Variants in SNX2 observed in about 807,000 individuals in gnomAD.
SNX2 encodes sorting nexin 2.
SNX2 carries 25 observed loss-of-function variants against 69.9 expected under a neutral mutation model. That is an observed-to-expected ratio of 0.36 (90% CI 0.26 to 0.50). The LOEUF (loss-of-function observed/expected upper bound fraction) is 0.50, where lower values mean the gene tolerates loss of function less well. Ranked by LOEUF, SNX2 falls within the 20% of genes least tolerant of loss-of-function variation. The pLI is 0.97. For missense variants in SNX2, 551 were observed against 613.3 expected, an observed-to-expected ratio of 0.90 and a Z score of 1.07; for synonymous variants, 229 against 200.4, an observed-to-expected ratio of 1.14 and a Z score of -1.20.
intron 1 of SNX2, among the ~76,000 whole-genome samples, chr5:122,779,095 G>A (rs987390605): frequency 9.9e-5 from 15 of 151,768 alleles, no homozygotes; most frequent in African/African-American, 2.9e-4. Flanking sequence ...TAGATAGTAC[G>A]TTTTAAAAAA....
intron 7 of SNX2, 30 bp downstream of exon 7, chr5:122,808,385 C>G (rs1243731020): frequency 1.4e-6 from 2 of 1,426,002 alleles, no homozygotes; most frequent in African/African-American, 1.4e-5. Flanking sequence ...TTTTATTACT[C>G]TCATGTTTGT....
In SNX2 at chr5:122,831,488, T is replaced by TA. The variant is rs367962988; in HGVS notation, c.*1848dup. Among the ~76,000 whole-genome samples, 64 of 151,948 alleles carry TA rather than the reference T, an allele frequency of 4.2e-4. 1 individual carries two copies. The highest frequency in any genetic ancestry group is 7.8e-4 in the Non-Finnish European group (53 of 67,942). On this transcript the variant is annotated 3_prime_UTR_variant, in exon 15 of 15. Coordinates refer to ENST00000379516, the MANE Select transcript of SNX2 (RefSeq NM_003100.4). Reference sequence around the variant, plus strand: ...GGACAACATAGTGAGACCCTGTCTCTAAAAAAAATGAAGACTTGATGAGTT... The same window carrying TA: ...GGACAACATAGTGAGACCCTGTCTCTAAAAAAAAATGAAGACTTGATGAGTT...
chr5:122,818,183 C>T (rs888672238), intron 10 of SNX2, among the ~76,000 whole-genome samples: 2 of 152,090 alleles, frequency 1.3e-5, no homozygotes, highest in East Asian at 1.9e-4. Flanking sequence ...GCAGTTTCCA[C>T]GCAGTGTAAT....
chr5:122,797,459 A>T (rs1051490222), intron 2 of SNX2, among the ~76,000 whole-genome samples: 24 of 146,192 alleles, frequency 1.6e-4, no homozygotes, highest in Middle Eastern at 3.5e-3. Context: ...GTGACTGAAG[A>T]CCTAATCTGA....
At chr5:122,804,365 CTTTT>C (rs1284102957) in intron 6 of SNX2, among the ~76,000 whole-genome samples, 3 of 135,752 alleles carry the variant, frequency 2.2e-5, no homozygotes, top group Non-Finnish European at 1.6e-5. Flanking sequence ...AACATTTCTA[CTTTT>C]TTTTTTTTTT....
chr5:122,783,132 A>T (rs1753013463), intron 1 of SNX2, among the ~76,000 whole-genome samples: 1 of 150,038 alleles, frequency 6.7e-6, no homozygotes, highest in African/African-American at 2.5e-5. Context: ...TTTTTAGCAG[A>T]GACAAGGTTT....
chr5:122,829,775 TAC>T lies in SNX2; in HGVS notation c.*162_*163del, dbSNP rs3990570. The T allele has an allele frequency of 0.23, 118,903 of 519,500 alleles. 6,752 individuals are homozygous for T. The highest frequency in any genetic ancestry group is 0.28 in the Admixed American group (8,827 of 31,830). The allele number at this position is 519,500 out of a possible 1,614,324, so 32.2% of individuals were successfully genotyped here. A position where few individuals can be genotyped will look rare whatever the true frequency, so the allele number is the denominator to read the frequency against. On this transcript the variant is annotated 3_prime_UTR_variant, in exon 15 of 15. Coordinates refer to ENST00000379516, the MANE Select transcript of SNX2 (RefSeq NM_003100.4). ...TTTATGAATTACATGTGGTTTTATA[TAC>T]ACACACACACACACACACACACACA...
chr5:122,824,965 C>T (rs945599179), intron 11 of SNX2, among the ~76,000 whole-genome samples: 1 of 152,076 alleles, frequency 6.6e-6, no homozygotes, highest in Non-Finnish European at 1.5e-5. Flanking sequence ...GGGATCATTA[C>T]AGCTTGGAGA....
intron 1 of SNX2, among the ~76,000 whole-genome samples, chr5:122,777,924 G>C (rs1752889893): frequency 6.6e-6 from 1 of 152,182 alleles, no homozygotes; most frequent in Non-Finnish European, 1.5e-5. Flanking sequence ...TAGAACACTA[G>C]AATTTATTCC....
In SNX2 at chr5:122,826,092, G is replaced by T; in HGVS notation, c.1255G>T (p.Asp419Tyr). 6.2e-7 allele frequency: 1 copy of T among 1,613,258 alleles called. No homozygotes were observed. The highest frequency in any genetic ancestry group is 8.5e-7 in the Non-Finnish European group (1 of 1,179,428). Residue 419 changes from aspartate to tyrosine, a missense_variant, in exon 12 of 15, where the codon GAT becomes TAT. Around this residue, in one of 2 missense-constraint regions of SNX2, gnomAD observed 360 missense variants for 450.4 expected, o/e 0.80. Coordinates refer to ENST00000379516, the MANE Select transcript of SNX2 (RefSeq NM_003100.4). ...AATGAAGTGCTGGCAGAAATGGGAA[G>T]ATGCTCAAATTACTTTGCTCAAAAA... ...HRMKCWQKWE[D>Y]AQITLLKKRE... is the part of the protein sequence containing the mutation.
At chr5:122,780,537 A>G (rs4836244) in intron 1 of SNX2, among the ~76,000 whole-genome samples, 92,443 of 150,350 alleles carry the variant, frequency 0.61, 28,813 homozygotes, top group African/African-American at 0.7. Context: ...ATAACAGGTA[A>G]TAAAAGTATA....
chr5:122,805,301 A>C (rs1203331722), intron 6 of SNX2, among the ~76,000 whole-genome samples: 3 of 151,768 alleles, frequency 2.0e-5, no homozygotes, highest in Non-Finnish European at 4.4e-5. Context: ...AAAAAAAAAA[A>C]AAAAAAGAAT....
chr5:122,787,333 A>G (rs1045029848), intron 1 of SNX2, among the ~76,000 whole-genome samples: 1 of 152,158 alleles, frequency 6.6e-6, no homozygotes. Flanking sequence ...CAGCCTAGCC[A>G]ACATGGTGAA....
At chr5:122,782,332 G>A (rs1159327711) in intron 1 of SNX2, among the ~76,000 whole-genome samples, 4 of 149,452 alleles carry the variant, frequency 2.7e-5, no homozygotes, top group South Asian at 2.1e-4. Flanking sequence ...TCCACCTCCC[G>A]GGTTCAAAAG....
chr5:122,801,370 C>A (rs1478915622), intron 3 of SNX2, among the ~76,000 whole-genome samples: 1 of 151,962 alleles, frequency 6.6e-6, no homozygotes, highest in East Asian at 1.9e-4. Context: ...TTTGGGAGAC[C>A]GAGGTGGGCA....
At chr5:122,789,412 C>A (rs1004424564) in intron 1 of SNX2, among the ~76,000 whole-genome samples, 1 of 151,348 alleles carries the variant, frequency 6.6e-6, no homozygotes, top group Admixed American at 6.6e-5. Context: ...GTTTACAAGA[C>A]CGCCCCACCT....
Position 122,799,839 on chromosome 5 carries a change from A to C in SNX2, c.374A>C (p.Asp125Ala), listed in dbSNP as rs1332279713. The C allele has an allele frequency of 6.2e-7, 1 of 1,611,820 alleles. No individual in the cohort carries two copies. The highest frequency in any genetic ancestry group is 8.5e-7 in the Non-Finnish European group (1 of 1,178,640). ...AGTATGTCTGCTCCCGTGATCTTTG[A>C]TAGATCCAGGGAAGAGGTACAGGAA... The part of the protein sequence containing the change: ...SKSMSAPVIF[D>A]RSREEIEEEA... The change falls in exon 3 of 15, where the codon GAT becomes GCT. Residue 125 changes from aspartate (D) to alanine (A), a missense_variant. Around this residue, in one of 2 missense-constraint regions of SNX2, gnomAD observed 191 missense variants for 162.9 expected, o/e 1.17. Transcript: ENST00000379516.
chr5:122,833,905 G>C lies in SNX2; in HGVS notation c.*4257G>C, dbSNP rs1366291554. ...TATAATTTATGTGCAAGACTTTGTA[G>C]CATAATGTTTTGCAAGTAGTGGATG... On this transcript the variant is annotated 3_prime_UTR_variant, in exon 15 of 15. Transcript: ENST00000379516. 2 of 152,140 alleles carry C rather than the reference G, an allele frequency of 1.3e-5. No individual in the cohort carries two copies. Among genetic ancestry groups the C allele is most frequent in the Admixed American group, 1.3e-4 (2 of 15,272 alleles). 9.4% of individuals were successfully genotyped at this position (152,140 alleles called of 1,614,324 possible). A position where few individuals can be genotyped will look rare whatever the true frequency, so the allele number is the denominator to read the frequency against.
intron 12 of SNX2, among the ~76,000 whole-genome samples, chr5:122,826,439 A>C (rs1458183649): frequency 6.6e-6 from 1 of 152,008 alleles, no homozygotes; most frequent in African/African-American, 2.4e-5. Flanking sequence ...TACATTAATA[A>C]TTACACATTT....
Sources: gnomAD v4.1 joint callset for allele counts (sites outside exome capture counted in the v4.1 genomes callset) on GRCh38, gnomAD v4.1.1 for gene constraint, gnomAD v4.1.1 regional missense constraint, MANE v1.5 for transcripts, NCBI Gene and HGNC (gene_info 2026-07-23, HGNC 2026-07-21) for gene names.